SEPTIN7: variants seen among roughly 807,000 people sequenced by gnomAD.
SEPTIN7 encodes septin 7, also known as septin-7.
In SEPTIN7, 10 loss-of-function variants were observed where a neutral mutation model predicts 63.3. That is an observed-to-expected ratio of 0.16 (90% CI 0.10 to 0.27). SEPTIN7 has a LOEUF of 0.27. Among genes scored for constraint, SEPTIN7 ranks in the 10% least tolerant of loss-of-function variants. The probability of loss-of-function intolerance (pLI) is 1.00; values close to 1 mark genes in which losing one functional copy is unlikely to be tolerated. For synonymous variants in SEPTIN7, 131 were observed against 165.3 expected, an observed-to-expected ratio of 0.79 and a Z score of 1.59; for missense variants, 310 against 521.0, an observed-to-expected ratio of 0.59 and a Z score of 3.94.
chr7:35,826,408 TA>T (rs1783519201), intron 1 of SEPTIN7, among the ~76,000 whole-genome samples: 1 of 149,810 alleles, frequency 6.7e-6, no homozygotes, highest in African/African-American at 2.4e-5. Flanking sequence ...TATATATATA[TA>T]TTTTTTAAAA....
At chr7:35,815,555 T>C (rs1789005211) in intron 1 of SEPTIN7, among the ~76,000 whole-genome samples, 1 of 152,214 alleles carries the variant, frequency 6.6e-6, no homozygotes, top group Non-Finnish European at 1.5e-5. Context: ...AAAAACCTAT[T>C]GTACACATAG....
intron 4 of SEPTIN7, among the ~76,000 whole-genome samples, chr7:35,867,765 A>T (rs1034052225): frequency 1.3e-5 from 2 of 152,114 alleles, no homozygotes; most frequent in African/African-American, 4.8e-5. Flanking sequence ...TTTTCTCTTA[A>T]TGTATTAAGA....
At chr7:35,804,994 G>A (rs1788241063) in intron 1 of SEPTIN7, among the ~76,000 whole-genome samples, 1 of 152,076 alleles carries the variant, frequency 6.6e-6, no homozygotes, top group South Asian at 2.1e-4. Context: ...GTGCTTGCCT[G>A]CCTCAGCCTC....
chr7:35,868,745 G>C (rs76251865), intron 4 of SEPTIN7, among the ~76,000 whole-genome samples: 7,112 of 152,298 alleles, frequency 0.047, 251 homozygotes, highest in South Asian at 0.18. Context: ...ATTGACGATA[G>C]AGGGGAAATA....
chr7:35,906,925 C>T lies in SEPTIN7; in HGVS notation c.*2632C>T, dbSNP rs1468654705. Reference sequence around the variant, plus strand: ...ATGCATGAGGAGCGAAATGTTGACTCAGTTATCTAGATCATGGTCTCCAAA... The same window carrying T: ...ATGCATGAGGAGCGAAATGTTGACTTAGTTATCTAGATCATGGTCTCCAAA... On this transcript the variant is annotated 3_prime_UTR_variant, in exon 14 of 14. Transcript: ENST00000350320. The T allele has an allele frequency of 6.6e-6, 1 of 152,190 alleles. No homozygotes were observed. The highest frequency in any genetic ancestry group is 2.4e-5 in the African/African-American group (1 of 41,446). 9.4% of individuals were successfully genotyped at this position (152,190 alleles called of 1,614,324 possible).
chr7:35,838,267 T>C (rs1350770179), intron 3 of SEPTIN7, among the ~76,000 whole-genome samples: 32 of 11,832 alleles, frequency 2.7e-3, no homozygotes, highest in African/African-American at 0.015. Flanking sequence ...CTTCCTTCCT[T>C]CCTTCCTTCC....
At chr7:35,874,463 G>A (rs2715606) in intron 6 of SEPTIN7, among the ~76,000 whole-genome samples, 143,792 of 152,152 alleles carry the variant, frequency 0.95, 68,384 homozygotes, top group East Asian at 1. Context: ...GAATTTTCCA[G>A]TTATTCTTCC....
intron 4 of SEPTIN7, among the ~76,000 whole-genome samples, chr7:35,871,378 CTATTTAAG>C (rs1786141439): frequency 6.6e-6 from 1 of 152,154 alleles, no homozygotes; most frequent in Non-Finnish European, 1.5e-5. Flanking sequence ...CCATATGTGG[CTATTTAAG>C]TTAATTCAAA....
chr7:35,894,199 C>A (rs1182629621), intron 11 of SEPTIN7, among the ~76,000 whole-genome samples: 2 of 150,104 alleles, frequency 1.3e-5, no homozygotes, highest in Non-Finnish European at 3.0e-5. Context: ...TTCCTTGTAC[C>A]CTTTACTTAA....
At chr7:35,824,488 C>T (rs896231578) in intron 1 of SEPTIN7, among the ~76,000 whole-genome samples, 1 of 152,188 alleles carries the variant, frequency 6.6e-6, no homozygotes, top group Non-Finnish European at 1.5e-5. Context: ...TATTCATTAT[C>T]TGTCTAACCT....
chr7:35,811,528 A>G (rs1208057268), intron 1 of SEPTIN7, among the ~76,000 whole-genome samples: 2 of 152,210 alleles, frequency 1.3e-5, no homozygotes, highest in African/African-American at 4.8e-5. Flanking sequence ...AAACATTTCT[A>G]ATGTTTAACA....
intron 3 of SEPTIN7, among the ~76,000 whole-genome samples, chr7:35,850,922 G>A (rs1373351796): frequency 6.6e-6 from 1 of 152,142 alleles, no homozygotes; most frequent in Non-Finnish European, 1.5e-5. Context: ...AAGTTGAGAT[G>A]CTGAGTAAAA....
chr7:35,911,458 G>A (rs1193617298), downstream of SEPTIN7, among the ~76,000 whole-genome samples: 1 of 151,912 alleles, frequency 6.6e-6, no homozygotes, highest in African/African-American at 2.4e-5. Context: ...AAAAATGAAC[G>A]TACTTGTTTA....
downstream of SEPTIN7, among the ~76,000 whole-genome samples, chr7:35,908,672 A>G (rs1181071534): frequency 5.3e-5 from 8 of 152,262 alleles, no homozygotes; most frequent in South Asian, 1.0e-3. Flanking sequence ...ACTACCAACA[A>G]ACTTCCTTTT....
chr7:35,811,783 G>T (rs1788724347), intron 1 of SEPTIN7, among the ~76,000 whole-genome samples: 1 of 152,128 alleles, frequency 6.6e-6, no homozygotes, highest in Admixed American at 6.5e-5. Flanking sequence ...CAGCACTTCG[G>T]GAGGCCGAGG....
rs543544542 is a variant in SEPTIN7 at position 35,815,972 on chromosome 7, T to G, written c.61+14702T>G. 4.6e-5 allele frequency among the ~76,000 whole-genome samples: 7 copies of G among 152,314 alleles called. No homozygotes were observed. The East Asian group carries it at 1.3e-3, about 29-fold the overall frequency. On this transcript the variant is annotated intron_variant, in intron 1 of 13. Transcript: ENST00000350320. ...TGGATCTCATCAGTTTCTGATTGATTTTTTGTGAGTATTTTTTTGCGCATA... is the reference window on the plus strand; with the variant it reads ...TGGATCTCATCAGTTTCTGATTGATGTTTTGTGAGTATTTTTTTGCGCATA...
At chr7:35,822,055 G>A (rs1438018002) in intron 1 of SEPTIN7, among the ~76,000 whole-genome samples, 4 of 152,118 alleles carry the variant, frequency 2.6e-5, no homozygotes, top group Middle Eastern at 3.4e-3. Flanking sequence ...GATTACAGGC[G>A]TGAGCCACCA....
intron 12 of SEPTIN7, 88 bp from the exon 13 acceptor site, chr7:35,902,988 C>G (rs1788412808): frequency 6.9e-7 from 1 of 1,440,450 alleles, no homozygotes; most frequent in South Asian, 1.5e-5. Context: ...AGTGCTCATA[C>G]TCCTTATCAT....
downstream of SEPTIN7, among the ~76,000 whole-genome samples, chr7:35,908,789 A>G (rs1788684470): frequency 6.6e-6 from 1 of 152,204 alleles, no homozygotes; most frequent in African/African-American, 2.4e-5. Context: ...ACGTAAGTAG[A>G]GCACAGATTC....
Sources: gnomAD v4.1 joint callset for allele counts (sites outside exome capture counted in the v4.1 genomes callset) on GRCh38, gnomAD v4.1.1 for gene constraint, MANE v1.5 for transcripts, NCBI Gene and HGNC (gene_info 2026-07-23, HGNC 2026-07-21) for gene names.